Variants in HVCN1 observed in about 807,000 individuals in gnomAD.
The protein encoded by HVCN1 is hydrogen voltage gated channel 1, also known as voltage-gated hydrogen channel 1.
HVCN1 carries 14 observed loss-of-function variants against 29.2 expected under a neutral mutation model. The ratio of observed to expected loss-of-function variants is 0.48; its 90% CI spans 0.32 to 0.75. The LOEUF (loss-of-function observed/expected upper bound fraction) is 0.75. Ranked by LOEUF, HVCN1 falls within the 30% of genes least tolerant of loss-of-function variation. The pLI, the probability that HVCN1 is intolerant of heterozygous loss-of-function variation, is 0.04. For synonymous variants in HVCN1, 131 were observed against 133.2 expected, an observed-to-expected ratio of 0.98 and a Z score of 0.11; for missense variants, 263 against 341.8, an observed-to-expected ratio of 0.77 and a Z score of 1.82.
At chr12:110,679,046 G>A (rs1388559458) in intron 3 of HVCN1, among the ~76,000 whole-genome samples, 2 of 152,214 alleles carry the variant, frequency 1.3e-5, no homozygotes, top group Admixed American at 6.5e-5. Flanking sequence ...CTGATGCTTT[G>A]GCCATGGAAA....
chr12:110,671,696 G>A (rs777438733), intron 3 of HVCN1, among the ~76,000 whole-genome samples: 9 of 152,148 alleles, frequency 5.9e-5, no homozygotes, highest in Non-Finnish European at 1.3e-4. Context: ...GGACTCCAAG[G>A]AGAAAGCCGA....
intron 3 of HVCN1, among the ~76,000 whole-genome samples, chr12:110,667,364 CCT>C (rs1239924371): frequency 6.6e-6 from 1 of 152,138 alleles, no homozygotes; most frequent in Admixed American, 6.5e-5. Flanking sequence ...GAACTCCTGA[CCT>C]CAGGTGATCC....
intron 2 of HVCN1, chr12:110,702,288 G>A (rs897917280): frequency 2.0e-5 from 3 of 152,116 alleles, no homozygotes; most frequent in Non-Finnish European, 4.4e-5. Flanking sequence ...GTCAACCTTT[G>A]GTGAGCACGC....
At position 110,658,772 on chromosome 12, in the gene HVCN1, G is replaced by A. The variant is rs959317094; in HGVS notation, c.306+2392C>T. 2.0e-5 allele frequency among the ~76,000 whole-genome samples: 3 copies of A among 152,288 alleles called. No homozygotes were observed. Among genetic ancestry groups the A allele is most frequent in the South Asian group, 2.1e-4 (1 of 4,826 alleles). ...TGCAGCCTGCCAAATCCTCAATGAGGGCAAAGATGTGTCTGCCACATTTGT... is the reference window on the plus strand; with the variant it reads ...TGCAGCCTGCCAAATCCTCAATGAGAGCAAAGATGTGTCTGCCACATTTGT... On this transcript the variant is annotated intron_variant, in intron 4 of 7. Transcript: ENST00000242607. The surrounding 1 kb of genome is among the most constrained non-coding windows in gnomAD (Gnocchi z 5.0).
chr12:110,695,397 C>CACACAT (rs926024561), intron 2 of HVCN1, among the ~76,000 whole-genome samples: 1 of 151,814 alleles, frequency 6.6e-6, no homozygotes, highest in African/African-American at 2.4e-5. Context: ...CACACACACA[C>CACACAT]ACACATGACC....
chr12:110,677,367 C>A (rs536137434), intron 3 of HVCN1, among the ~76,000 whole-genome samples: 1 of 152,284 alleles, frequency 6.6e-6, no homozygotes, highest in Non-Finnish European at 1.5e-5. Context: ...ACCACAGGAC[C>A]TTTGCACACG....
intron 3 of HVCN1, among the ~76,000 whole-genome samples, chr12:110,680,058 T>A (rs976049532): frequency 5.3e-5 from 8 of 152,188 alleles, no homozygotes; most frequent in Non-Finnish European, 7.3e-5. Flanking sequence ...CAAAAAGCTC[T>A]AAAAGCAATC....
At chr12:110,696,552 G>GAA (rs201640934) in intron 2 of HVCN1, among the ~76,000 whole-genome samples, 3 of 142,556 alleles carry the variant, frequency 2.1e-5, no homozygotes, top group African/African-American at 7.7e-5. Flanking sequence ...CCATCTCTAA[G>GAA]AAAAAAAAAA....
At chr12:110,663,143 C>T (rs1222264703) in intron 3 of HVCN1, among the ~76,000 whole-genome samples, 1 of 152,162 alleles carries the variant, frequency 6.6e-6, no homozygotes, top group Non-Finnish European at 1.5e-5. Flanking sequence ...CAGAAACAGG[C>T]ACCAGCACCA....
intron 3 of HVCN1, among the ~76,000 whole-genome samples, chr12:110,663,476 T>C (rs919661080): frequency 2.0e-5 from 3 of 150,460 alleles, no homozygotes; most frequent in Non-Finnish European, 4.4e-5. Context: ...GTAGCACACC[T>C]GTAGTCCCAG....
At chr12:110,682,017 TG>T (rs2068996940) in intron 3 of HVCN1, among the ~76,000 whole-genome samples, 1 of 152,196 alleles carries the variant, frequency 6.6e-6, no homozygotes, top group Non-Finnish European at 1.5e-5. Context: ...GACGGAGTTT[TG>T]CTCTTGTCAC....
chr12:110,658,232 A>G lies in HVCN1; in HGVS notation c.307-2894T>C, dbSNP rs2068052574. 6.6e-6 allele frequency among the ~76,000 whole-genome samples: 1 copy of G among 151,892 alleles called. No homozygotes were observed. Among genetic ancestry groups the G allele is most frequent in the Non-Finnish European group, 1.5e-5 (1 of 67,968 alleles). ...GACCTCAATTAACTATTAATATATC[A>G]AGCACCTTGGCCATCTCAAACCACC... On this transcript the variant is annotated intron_variant, in intron 4 of 7. Coordinates refer to ENST00000242607, the MANE Select transcript of HVCN1 (RefSeq NM_032369.4). The surrounding 1 kb of genome is among the most constrained non-coding windows in gnomAD (Gnocchi z 5.0).
At position 110,694,996 on chromosome 12, in the gene HVCN1, T is replaced by C. The variant is rs1219803106; in HGVS notation, c.-103-6288A>G. ...CAGCAAAGAGTTTCTGAGTGCCAAC[T>C]ATGTGCTAGGCAGAGAACACAGAGT... On this transcript the variant is annotated intron_variant, in intron 2 of 4. Transcript: ENST00000546713. This position sits in a 1 kb window ranked among gnomAD's most constrained non-coding sequence, Gnocchi z 4.6. 6.6e-6 allele frequency among the ~76,000 whole-genome samples: 1 copy of C among 152,322 alleles called. No individual in the cohort carries two copies. Among genetic ancestry groups the C allele is most frequent in the East Asian group, 1.9e-4 (1 of 5,182 alleles).
Position 110,689,060 on chromosome 12 carries a change from C to G in HVCN1, c.-104+20G>C, listed in dbSNP as rs2069317284. On this transcript the variant is annotated intron_variant, in intron 1 of 7. Transcript: ENST00000242607. The surrounding 1 kb of genome is among the most constrained non-coding windows in gnomAD (Gnocchi z 5.7). ...TGCACGCCAAACGGGGTACGCCCCC[C>G]GCCCGGCCCGAGCACTTACCCGGCG... is the stretch of plus-strand genomic sequence containing the variant. 6.5e-6 allele frequency: 1 copy of G among 152,770 alleles called. No homozygotes were observed. The highest frequency in any genetic ancestry group is 2.1e-4 in the South Asian group (1 of 4,844). 9.5% of individuals were successfully genotyped at this position (152,770 alleles called of 1,614,324 possible).
chr12:110,698,416 C>T (rs1197865460), intron 2 of HVCN1, among the ~76,000 whole-genome samples: 4 of 152,194 alleles, frequency 2.6e-5, no homozygotes, highest in African/African-American at 9.6e-5. Flanking sequence ...GGTTTAGCAG[C>T]ATCTCCTTGT....
intron 2 of HVCN1, among the ~76,000 whole-genome samples, chr12:110,684,079 G>A (rs915581989): frequency 6.6e-6 from 1 of 152,048 alleles, no homozygotes; most frequent in Admixed American, 6.6e-5. Flanking sequence ...GATATGAAAT[G>A]TCCAGAACAA....
intron 4 of HVCN1, among the ~76,000 whole-genome samples, chr12:110,660,769 A>G (rs1006998740): frequency 8.5e-5 from 13 of 152,148 alleles, no homozygotes; most frequent in African/African-American, 2.2e-4. Flanking sequence ...GATGTTTTGT[A>G]TCAATGGAAT....
intron 2 of HVCN1, among the ~76,000 whole-genome samples, 200 bp from the exon 3 acceptor site, chr12:110,683,464 A>G (rs2069061067): frequency 6.6e-6 from 1 of 152,240 alleles, no homozygotes; most frequent in African/African-American, 2.4e-5. Context: ...CAGGGACTCA[A>G]ACAAATACTT....
At chr12:110,677,545 T>C (rs1294585894) in intron 3 of HVCN1, among the ~76,000 whole-genome samples, 1 of 152,106 alleles carries the variant, frequency 6.6e-6, no homozygotes, top group Non-Finnish European at 1.5e-5. Context: ...CTGCTAAACA[T>C]ACCTCCTGGA....
Sources: allele counts gnomAD v4.1 joint callset (sites outside exome capture counted in the v4.1 genomes callset), GRCh38; gene constraint gnomAD v4.1.1; non-coding constraint Gnocchi (gnomAD v3.1); transcripts MANE v1.5; gene names NCBI Gene and HGNC (gene_info 2026-07-23, HGNC 2026-07-21).